The following PARP11 variants were observed in gnomAD, a reference collection of about 807,000 sequenced individuals.
PARP11 encodes the protein poly(ADP-ribose) polymerase family member 11.
Under a neutral mutation model 42.9 loss-of-function variants are expected in PARP11, and 31 were observed. That is an observed-to-expected ratio of 0.72 (90% confidence interval 0.54 to 0.98). PARP11 has a LOEUF of 0.98. Among genes scored for constraint, PARP11 ranks in the 50% least tolerant of loss-of-function variants. The pLI is 0.00. For synonymous variants in PARP11, 137 were observed against 127.3 expected (o/e 1.08, Z -0.51); for missense variants, 365 against 413.1 (o/e 0.88, Z 1.01).
Position 3,812,103 on chromosome 12 carries a change from A to G in PARP11, c.*20T>C. 6.4e-7 allele frequency: 1 copy of G among 1,563,200 alleles called. No homozygotes were observed. Among genetic ancestry groups the G allele is most frequent in the Non-Finnish European group, 8.7e-7 (1 of 1,152,124 alleles). On this transcript the variant is annotated 3_prime_UTR_variant, in exon 8 of 8. Transcript: ENST00000228820. ...AAAAAAGAATAAAGCTTCCTTGACC[A>G]CCGAGATTTGGAAGTGAAATCAATG...
Sources: allele counts gnomAD v4.1 joint callset, GRCh38; gene constraint gnomAD v4.1.1; transcripts MANE v1.5; gene names NCBI Gene and HGNC (gene_info 2026-07-23, HGNC 2026-07-21).